Variants in RAPGEF5 observed in about 807,000 individuals in gnomAD.
The protein encoded by RAPGEF5 is Rap guanine nucleotide exchange factor 5.
RAPGEF5 carries 65 observed loss-of-function variants against 125.2 expected under a neutral mutation model. The observed-to-expected ratio is 0.52, with a 90% confidence interval of 0.43 to 0.64. The LOEUF (loss-of-function observed/expected upper bound fraction) is 0.64, where lower values mean the gene tolerates loss of function less well. Ranked by LOEUF, RAPGEF5 falls within the 30% of genes least tolerant of loss-of-function variation. The pLI is 0.00. For missense variants in RAPGEF5, 958 were observed against 1,048.1 expected (o/e 0.91, Z 1.19); for synonymous variants, 391 against 385.9 (o/e 1.01, Z -0.16).
intron 1 of RAPGEF5, among the ~76,000 whole-genome samples, chr7:22,353,990 G>C (rs1784377129): frequency 6.6e-6 from 1 of 152,126 alleles, no homozygotes; most frequent in East Asian, 1.9e-4. Flanking sequence ...AGGACCGCTT[G>C]AGCCAGAAGG....
intron 3 of RAPGEF5, among the ~76,000 whole-genome samples, chr7:22,314,326 A>G (rs1783542443): frequency 6.6e-6 from 1 of 152,200 alleles, no homozygotes; most frequent in Non-Finnish European, 1.5e-5. Context: ...ACAGGTGTGT[A>G]ATAAATAAAA....
In RAPGEF5 at chr7:22,346,370, T is replaced by G. The variant is rs142518223; in HGVS notation, c.231+10460A>C. ...CCCTAATCTCCAAAAGTTATTATTA[T>G]ATCCTCTTCTCAACGTAAAAAAAAT... On this transcript the variant is annotated intron_variant, in intron 1 of 25. Transcript: ENST00000665637. Among the ~76,000 whole-genome samples the G allele has an allele frequency of 2.0e-4, 31 of 152,328 alleles. 1 individual carries two copies. Among genetic ancestry groups the G allele is most frequent in the Middle Eastern group, 6.8e-3 (2 of 294 alleles).
At chr7:22,126,551 A>G (rs1002654920) in intron 24 of RAPGEF5, among the ~76,000 whole-genome samples, 2 of 152,242 alleles carry the variant, frequency 1.3e-5, no homozygotes, top group Non-Finnish European at 2.9e-5. Flanking sequence ...AGGTTCAAGT[A>G]TCTTAAATTG....
intron 5 of RAPGEF5, among the ~76,000 whole-genome samples, chr7:22,292,287 C>T (rs1782953547): frequency 6.6e-6 from 1 of 152,250 alleles, no homozygotes; most frequent in Admixed American, 6.5e-5. Context: ...TGGATCACTT[C>T]TGGCATTGCC....
chr7:22,324,181 A>G (rs1212142077), intron 1 of RAPGEF5, among the ~76,000 whole-genome samples: 1 of 152,232 alleles, frequency 6.6e-6, no homozygotes, highest in Non-Finnish European at 1.5e-5. Flanking sequence ...TGAACAGAGA[A>G]AGGCACTTTT....
At chr7:22,265,013 A>C (rs1458686322) in intron 7 of RAPGEF5, among the ~76,000 whole-genome samples, 1 of 152,180 alleles carries the variant, frequency 6.6e-6, no homozygotes, top group Non-Finnish European at 1.5e-5. Context: ...ATAATTGTAC[A>C]TATTTGTATG....
chr7:22,257,154 A>G (rs1265161467), intron 7 of RAPGEF5, among the ~76,000 whole-genome samples: 2 of 152,232 alleles, frequency 1.3e-5, no homozygotes, highest in African/African-American at 4.8e-5. Context: ...CAGTTTTACT[A>G]CAAGACATAA....
intron 7 of RAPGEF5, among the ~76,000 whole-genome samples, chr7:22,251,891 G>A (rs983025177): frequency 6.6e-6 from 1 of 151,682 alleles, no homozygotes; most frequent in Non-Finnish European, 1.5e-5. Flanking sequence ...TTATGAGAAG[G>A]AAATAAAATG....
At chr7:22,136,006 A>G (rs1419746348) in intron 23 of RAPGEF5, 32 bp downstream of exon 23, 1 of 1,515,806 alleles carries the variant, frequency 6.6e-7, no homozygotes, top group Non-Finnish European at 9.0e-7. Flanking sequence ...GAAATATGAA[A>G]TTACATGGCA....
intron 8 of RAPGEF5, among the ~76,000 whole-genome samples, chr7:22,222,115 G>A (rs1403430760): frequency 6.6e-6 from 1 of 152,098 alleles, no homozygotes; most frequent in African/African-American, 2.4e-5. Context: ...GGGCGTGGTG[G>A]TGTGCACTGT....
chr7:22,182,272 A>C (rs1784697361), intron 11 of RAPGEF5, among the ~76,000 whole-genome samples: 1 of 152,228 alleles, frequency 6.6e-6, no homozygotes, highest in African/African-American at 2.4e-5. Context: ...AGAGAGAAAC[A>C]CAGAAAGAGA....
chr7:22,233,577 G>A, intron 7 of RAPGEF5, among the ~76,000 whole-genome samples: 1 of 152,100 alleles, frequency 6.6e-6, no homozygotes, highest in East Asian at 1.9e-4. Context: ...CTGTCACCCA[G>A]GCTGGAGTAC....
At chr7:22,242,726 C>G (rs147231143) in intron 7 of RAPGEF5, among the ~76,000 whole-genome samples, 1 of 151,960 alleles carries the variant, frequency 6.6e-6, no homozygotes, top group Non-Finnish European at 1.5e-5. Context: ...CCGAGGCAGG[C>G]GGATCACCTG....
At chr7:22,150,964 C>T (rs183212982) in intron 17 of RAPGEF5, among the ~76,000 whole-genome samples, 3 of 152,286 alleles carry the variant, frequency 2.0e-5, no homozygotes, top group Admixed American at 2.0e-4. Flanking sequence ...TATACATTTG[C>T]AATTATTCCA....
chr7:22,350,957 G>A (rs916042591), intron 1 of RAPGEF5, among the ~76,000 whole-genome samples: 1 of 152,168 alleles, frequency 6.6e-6, no homozygotes, highest in African/African-American at 2.4e-5. Flanking sequence ...CCTCATATCT[G>A]ATCTGACTCA....
chr7:22,277,687 C>T (rs1313860697), intron 6 of RAPGEF5, among the ~76,000 whole-genome samples: 4 of 152,134 alleles, frequency 2.6e-5, no homozygotes, highest in Non-Finnish European at 5.9e-5. Context: ...CTGCCCATAG[C>T]TCCTAGGGCC....
intron 5 of RAPGEF5, among the ~76,000 whole-genome samples, chr7:22,298,144 G>A (rs1783108514): frequency 6.6e-6 from 1 of 150,414 alleles, no homozygotes; most frequent in South Asian, 2.1e-4. Flanking sequence ...GAGGAAGATT[G>A]TGTCTATGCT....
intron 7 of RAPGEF5, among the ~76,000 whole-genome samples, chr7:22,248,109 T>C (rs1786526124): frequency 6.6e-6 from 1 of 152,162 alleles, no homozygotes; most frequent in Non-Finnish European, 1.5e-5. Context: ...GTGTACCCTT[T>C]GACTCTAAAA....
chr7:22,310,165 A>C, intron 3 of RAPGEF5, 75 bp from the exon 4 acceptor site: 1 of 1,331,356 alleles, frequency 7.5e-7, no homozygotes, highest in Non-Finnish European at 9.6e-7. Flanking sequence ...ATGATATATA[A>C]TACCTTTCCT....
Sources: gnomAD v4.1 joint callset for allele counts (sites outside exome capture counted in the v4.1 genomes callset) on GRCh38, gnomAD v4.1.1 for gene constraint, MANE v1.5 for transcripts, NCBI Gene and HGNC (gene_info 2026-07-23, HGNC 2026-07-21) for gene names.